PITPNC1: variants seen among roughly 807,000 people sequenced by gnomAD.
PITPNC1 encodes the protein phosphatidylinositol transfer protein cytoplasmic 1, also known as cytoplasmic phosphatidylinositol transfer protein 1.
In PITPNC1, 18 loss-of-function variants were observed where a neutral mutation model predicts 44.7. The observed-to-expected ratio is 0.40, with a 90% CI of 0.28 to 0.60. The LOEUF is 0.60. PITPNC1 is among the 20% of genes least tolerant of loss of function. PITPNC1 has a pLI of 0.39. For synonymous variants in PITPNC1, 141 were observed against 149.6 expected, an observed-to-expected ratio of 0.94 and a Z score of 0.42; for missense variants, 290 against 418.4, an observed-to-expected ratio of 0.69 and a Z score of 2.68.
intron 1 of PITPNC1, among the ~76,000 whole-genome samples, chr17:67,463,961 A>G (rs1381670323): frequency 1.3e-5 from 2 of 152,154 alleles, no homozygotes; most frequent in African/African-American, 4.8e-5. Flanking sequence ...TGGGAGGCCA[A>G]GGTGGGCAGA....
At chr17:67,522,630 A>G (rs2040338960) in intron 1 of PITPNC1, among the ~76,000 whole-genome samples, 1 of 141,574 alleles carries the variant, frequency 7.1e-6, no homozygotes, top group Non-Finnish European at 1.5e-5. Context: ...GTGATCAAAT[A>G]TACATATCAT....
At chr17:67,382,552 TAGAG>T (rs1365993973) in intron 1 of PITPNC1, among the ~76,000 whole-genome samples, 1 of 152,186 alleles carries the variant, frequency 6.6e-6, no homozygotes, top group African/African-American at 2.4e-5. Flanking sequence ...AGAGTTGCTA[TAGAG>T]AGAAAGTTGT....
chr17:67,637,127 A>AG (rs2042042539), intron 6 of PITPNC1, among the ~76,000 whole-genome samples: 1 of 152,258 alleles, frequency 6.6e-6, no homozygotes, highest in South Asian at 2.1e-4. Flanking sequence ...CCGCTGCCAC[A>AG]GCACCAGTGC....
intron 5 of PITPNC1, among the ~76,000 whole-genome samples, chr17:67,580,517 T>A (rs922179733): frequency 6.6e-6 from 1 of 152,052 alleles, no homozygotes; most frequent in Non-Finnish European, 1.5e-5. Flanking sequence ...ATTTTTGTGT[T>A]TTTTTTAGAG....
chr17:67,533,383 CG>C (rs1367039546), intron 2 of PITPNC1, among the ~76,000 whole-genome samples: 1 of 152,208 alleles, frequency 6.6e-6, no homozygotes, highest in African/African-American at 2.4e-5. Flanking sequence ...ATCTTTCCCA[CG>C]GCTTTGATGA....
intron 1 of PITPNC1, among the ~76,000 whole-genome samples, chr17:67,429,463 G>A (rs985114243): frequency 6.6e-6 from 1 of 151,064 alleles, no homozygotes; most frequent in African/African-American, 2.4e-5. Flanking sequence ...ACTTTGGGAG[G>A]CCAAGGCAGG....
intron 4 of PITPNC1, among the ~76,000 whole-genome samples, chr17:67,561,904 G>T (rs1170003738): frequency 6.6e-6 from 1 of 152,154 alleles, no homozygotes; most frequent in Non-Finnish European, 1.5e-5. Flanking sequence ...CCCTATCTCT[G>T]TTATTTACAT....
At chr17:67,669,226 C>T (rs2042472428) in intron 6 of PITPNC1, among the ~76,000 whole-genome samples, 1 of 152,186 alleles carries the variant, frequency 6.6e-6, no homozygotes, top group Non-Finnish European at 1.5e-5. Context: ...CCTGCCTTAG[C>T]CTCCCGAGTA....
At chr17:67,465,249 G>A (rs2039407965) in intron 1 of PITPNC1, among the ~76,000 whole-genome samples, 1 of 152,228 alleles carries the variant, frequency 6.6e-6, no homozygotes, top group Non-Finnish European at 1.5e-5. Context: ...GGAGGTAATT[G>A]TGGGAAGCCC....
In PITPNC1 at chr17:67,405,245, TA is replaced by T. The variant is rs892885166; in HGVS notation, c.48+27056del. 2.6e-3 allele frequency among the ~76,000 whole-genome samples: 373 copies of T among 145,756 alleles called. 2 individuals are homozygous for T. Among genetic ancestry groups the T allele is most frequent in the African/African-American group, 6.4e-3 (256 of 40,026 alleles). On this transcript the variant is annotated intron_variant, in intron 1 of 8. Coordinates refer to ENST00000581322, the MANE Select transcript of PITPNC1 (RefSeq NM_012417.4). ...CTGGGCAACAGAGTAAGACTCCGTT[TA>T]AAAAAAAAAAAATTCAGATTTAGGG...
chr17:67,379,162 G>A, intron 1 of PITPNC1: 1 of 985,950 alleles, frequency 1.0e-6, no homozygotes, highest in Non-Finnish European at 1.2e-6. Context: ...CCAAAGCCAA[G>A]CAAGGCAACG....
chr17:67,616,699 G>A (rs1254719250), intron 5 of PITPNC1, among the ~76,000 whole-genome samples: 3 of 152,096 alleles, frequency 2.0e-5, no homozygotes, highest in South Asian at 2.1e-4. Flanking sequence ...TGGAATAAAC[G>A]TGCCCTTTCC....
intron 1 of PITPNC1, among the ~76,000 whole-genome samples, chr17:67,418,558 T>TC (rs1382853540): frequency 6.8e-6 from 1 of 147,038 alleles, no homozygotes; most frequent in East Asian, 2.0e-4. Flanking sequence ...ATATTAGGAA[T>TC]TTTTTTTTTT....
At chr17:67,620,217 C>A (rs144928987) in intron 5 of PITPNC1, among the ~76,000 whole-genome samples, 47 of 152,080 alleles carry the variant, frequency 3.1e-4, no homozygotes, top group African/African-American at 1.0e-3. Context: ...CCACACCTGA[C>A]GAATTTTTAA....
chr17:67,561,600 C>T (rs1303682165), intron 4 of PITPNC1, among the ~76,000 whole-genome samples: 4 of 152,142 alleles, frequency 2.6e-5, no homozygotes, highest in African/African-American at 4.8e-5. Context: ...TTTTAAACAT[C>T]GATTCTACTT....
chr17:67,524,491 T>C (rs2040369961), intron 1 of PITPNC1: 2 of 151,930 alleles, frequency 1.3e-5, no homozygotes, highest in African/African-American at 4.8e-5. Flanking sequence ...GTGAAGTTAA[T>C]TTTAAAAATA....
At chr17:67,692,153 A>G (rs1010863736) in intron 8 of PITPNC1, among the ~76,000 whole-genome samples, 5 of 152,182 alleles carry the variant, frequency 3.3e-5, no homozygotes, top group Admixed American at 3.3e-4. Context: ...TGTTTTAATT[A>G]CCTTCTCTTT....
intron 5 of PITPNC1, among the ~76,000 whole-genome samples, chr17:67,579,715 G>A (rs2144234426): frequency 6.8e-6 from 1 of 146,820 alleles, no homozygotes. Flanking sequence ...AAGGTGGGCA[G>A]ATTGTCTGAG....
At chr17:67,429,303 C>G (rs2038821098) in intron 1 of PITPNC1, among the ~76,000 whole-genome samples, 1 of 152,138 alleles carries the variant, frequency 6.6e-6, no homozygotes, top group African/African-American at 2.4e-5. Context: ...GATTATAGGA[C>G]AGTGGTTGCC....
Sources: gnomAD v4.1 joint callset for allele counts (sites outside exome capture counted in the v4.1 genomes callset) on GRCh38, gnomAD v4.1.1 for gene constraint, MANE v1.5 for transcripts, NCBI Gene and HGNC (gene_info 2026-07-23, HGNC 2026-07-21) for gene names.